Variants in GRM4 observed in about 807,000 individuals in gnomAD.
GRM4 encodes metabotropic glutamate receptor 4.
A neutral mutation model predicts 81.7 loss-of-function variants in GRM4; 28 were observed. That is an observed-to-expected ratio of 0.34 (90% CI 0.25 to 0.47). The LOEUF (loss-of-function observed/expected upper bound fraction) is 0.47. GRM4 is among the 20% of genes least tolerant of loss of function. The pLI, the probability that GRM4 is intolerant of heterozygous loss-of-function variation, is 1.00. For synonymous variants in GRM4, 488 were observed against 528.8 expected, an observed-to-expected ratio of 0.92 and a Z score of 1.06; for missense variants, 948 against 1,290.0, an observed-to-expected ratio of 0.73 and a Z score of 4.06.
rs1308348285 is a variant in GRM4, at chr6:34,035,007, C to T, written c.2442+661G>A. ...CAACTCCAGCCAAGGGAAGGAAAGG[C>T]CCTCTGCCAGCCCCTAGCCTTTAGG... On this transcript the variant is annotated intron_variant, in intron 9 of 10. Coordinates refer to ENST00000538487, the MANE Select transcript of GRM4 (RefSeq NM_000841.4). The surrounding 1 kb of genome is among the most constrained non-coding windows in gnomAD (Gnocchi z 6.6). 6.6e-6 allele frequency among the ~76,000 whole-genome samples: 1 copy of T among 152,200 alleles called. No individual in the cohort carries two copies. Among genetic ancestry groups the T allele is most frequent in the Non-Finnish European group, 1.5e-5 (1 of 68,026 alleles).
upstream of GRM4, among the ~76,000 whole-genome samples, chr6:34,146,869 A>C (rs988549982): frequency 2.0e-5 from 3 of 151,810 alleles, no homozygotes; most frequent in Non-Finnish European, 2.9e-5. Context: ...ACAGGGACAG[A>C]CCCCCATCCC....
chr6:34,043,303 C>G (rs1403397031), intron 6 of GRM4, among the ~76,000 whole-genome samples: 1 of 152,154 alleles, frequency 6.6e-6, no homozygotes, highest in Non-Finnish European at 1.5e-5. Flanking sequence ...CCTCTGATCA[C>G]AAGGTCACGA....
At chr6:34,139,312 A>G (rs1770586200) in intron 1 of GRM4, among the ~76,000 whole-genome samples, 1 of 152,280 alleles carries the variant, frequency 6.6e-6, no homozygotes, top group Admixed American at 6.5e-5. Flanking sequence ...GGAATGCCCC[A>G]GAGGAGAGCA....
At chr6:34,123,917 G>A (rs1176055536) in intron 2 of GRM4, among the ~76,000 whole-genome samples, 1 of 152,172 alleles carries the variant, frequency 6.6e-6, no homozygotes, top group East Asian at 1.9e-4. Flanking sequence ...GGGGGCTGGG[G>A]GGAGTAACGG....
In GRM4 at chr6:34,115,515, A is replaced by G. The variant is rs981718469; in HGVS notation, c.519+17463T>C. The stretch of plus-strand genomic sequence containing the variant: ...GCTGCCCCTTCCCCTGCTCCCAGCC[A>G]CAAGGTCCTGGTTCAGGACCTTGGA... On this transcript the variant is annotated intron_variant, in intron 2 of 10. Transcript: ENST00000538487. The surrounding 1 kb of genome is among the most constrained non-coding windows in gnomAD (Gnocchi z 4.1). Among the ~76,000 whole-genome samples the G allele has an allele frequency of 2.0e-5, 3 of 152,088 alleles. No homozygotes were observed. The highest frequency in any genetic ancestry group is 4.4e-5 in the Non-Finnish European group (3 of 68,002).
In GRM4 at chr6:34,035,765, T is replaced by C. The variant is rs779540722; in HGVS notation, c.2345A>G (p.Asn782Ser). ...IKTRGVPETF[N>S]EAKPIGFTMY... Reference sequence around the variant, plus strand: ...GGTGAAGCCAATGGGCTTGGCCTCATTGAAGGTCTCGGGCACGCCGCGTGT... The same window carrying C: ...GGTGAAGCCAATGGGCTTGGCCTCACTGAAGGTCTCGGGCACGCCGCGTGT... The change falls in exon 9 of 11, where the codon AAT becomes AGT. Residue 782 changes from asparagine (N) to serine (S), a missense_variant. Coordinates refer to ENST00000538487, the MANE Select transcript of GRM4 (RefSeq NM_000841.4). This position sits in a 1 kb window ranked among gnomAD's most constrained non-coding sequence, Gnocchi z 6.6. 28 of 1,612,870 alleles carry C rather than the reference T, an allele frequency of 1.7e-5. No individual in the cohort carries two copies. The highest frequency in any genetic ancestry group is 8.9e-5 in the East Asian group (4 of 44,826).
At chr6:34,137,952 T>C (rs892004740) in intron 1 of GRM4, among the ~76,000 whole-genome samples, 4 of 151,930 alleles carry the variant, frequency 2.6e-5, no homozygotes, top group African/African-American at 9.7e-5. Context: ...ACTTCAATCC[T>C]TCCCTCTGCA....
At chr6:34,097,116 T>C (rs1369849726) in intron 2 of GRM4, among the ~76,000 whole-genome samples, 2 of 152,130 alleles carry the variant, frequency 1.3e-5, no homozygotes, top group African/African-American at 4.8e-5. Context: ...CGGGCTCCAA[T>C]CTAGATGGAG....
intron 2 of GRM4, among the ~76,000 whole-genome samples, chr6:34,116,140 G>A (rs1408507063): frequency 3.9e-5 from 6 of 152,190 alleles, no homozygotes; most frequent in African/African-American, 1.4e-4. Context: ...GAGGCCGAGT[G>A]AAATCAAAGT....
Position 34,045,809 on chromosome 6 carries a change from T to G in GRM4, c.1169-5061A>C, listed in dbSNP as rs973815774. ...AAGCAAGACATGCATTTCTGAGAGC[T>G]GTTGTAGGAGACAAATTCCAGACAC... is the stretch of plus-strand genomic sequence containing the variant. On this transcript the variant is annotated intron_variant, in intron 6 of 10. Coordinates refer to ENST00000538487, the MANE Select transcript of GRM4 (RefSeq NM_000841.4). Among the ~76,000 whole-genome samples, 75 of 152,020 alleles carry G rather than the reference T, an allele frequency of 4.9e-4. 2 individuals are homozygous for G. The highest frequency in any genetic ancestry group is 2.0e-3 in the Admixed American group (31 of 15,282).
chr6:34,071,650 AT>A (rs1344919738), intron 3 of GRM4, among the ~76,000 whole-genome samples: 1 of 137,674 alleles, frequency 7.3e-6, no homozygotes, highest in Non-Finnish European at 1.5e-5. Context: ...ACACACACCC[AT>A]TCATCAGCAC....
intron 2 of GRM4, among the ~76,000 whole-genome samples, chr6:34,093,981 A>G (rs946478853): frequency 6.6e-6 from 1 of 152,248 alleles, no homozygotes; most frequent in Non-Finnish European, 1.5e-5. Flanking sequence ...TGTAACAGTA[A>G]AAGTTTGGAA....
At chr6:34,067,446 TTCCCTCCCTCCCTCCGTCCTTCCC>T (rs1766534707) in intron 3 of GRM4, among the ~76,000 whole-genome samples, 4 of 100,278 alleles carry the variant, frequency 4.0e-5, no homozygotes, top group Non-Finnish European at 7.4e-5. Flanking sequence ...CCGTCCTTCC[TTCCCTCCCTCCCTCCGTCCTTCCC>T]TCCCTCCCTC....
intron 10 of GRM4, among the ~76,000 whole-genome samples, chr6:34,026,486 C>A (rs966576867): frequency 6.6e-6 from 1 of 152,082 alleles, no homozygotes; most frequent in Non-Finnish European, 1.5e-5. Context: ...ACAGACCCCT[C>A]GGTCCCTCCC....
chr6:34,042,806 A>C lies in GRM4; in HGVS notation c.1169-2058T>G, dbSNP rs1207717420. Among the ~76,000 whole-genome samples the C allele has an allele frequency of 8.5e-5, 13 of 152,150 alleles. No individual in the cohort carries two copies. Among genetic ancestry groups the C allele is most frequent in the Admixed American group, 4.6e-4 (7 of 15,292 alleles). On this transcript the variant is annotated intron_variant, in intron 6 of 10. Coordinates refer to ENST00000538487, the MANE Select transcript of GRM4 (RefSeq NM_000841.4). This position sits in a 1 kb window ranked among gnomAD's most constrained non-coding sequence, Gnocchi z 4.2. ...GCAGACCCAGGGTGCAGGGGATCTC[A>C]CTGCCTCTCCCTGAGGCAGTACCCT...
rs112553862 is a variant in GRM4, at chr6:34,028,409, C to T, written c.2443-43G>A. The T allele has an allele frequency of 2.2e-3, 3,503 of 1,579,014 alleles. 66 individuals are homozygous for T. The African/African-American group carries it at 0.041, about 18-fold the overall frequency. ...GGCGTCAGAGCAGGCTCTGCCCCGA[C>T]TGAGGGCCCTGACTCCCGCCAGTTC... On this transcript the variant is annotated intron_variant, in intron 9 of 10. Coordinates refer to ENST00000538487, the MANE Select transcript of GRM4 (RefSeq NM_000841.4).
At chr6:34,028,848 C>T (rs748136114) in intron 9 of GRM4, among the ~76,000 whole-genome samples, 1 of 152,138 alleles carries the variant, frequency 6.6e-6, no homozygotes, top group Non-Finnish European at 1.5e-5. Context: ...CCAGTGGCCA[C>T]GTCACAGCCC....
At chr6:34,061,848 A>G in intron 4 of GRM4, 45 bp downstream of exon 4, 1 of 1,588,768 alleles carries the variant, frequency 6.3e-7, no homozygotes, top group Non-Finnish European at 8.6e-7. Context: ...CTTTGCCCAC[A>G]CCTGCATGGC....
chr6:34,096,730 C>A (rs527895655), intron 2 of GRM4, among the ~76,000 whole-genome samples: 12 of 152,360 alleles, frequency 7.9e-5, no homozygotes, highest in African/African-American at 2.9e-4. Flanking sequence ...CAGCCACCAC[C>A]CAGGAGAGCC....
Sources: gnomAD v4.1 joint callset for allele counts (sites outside exome capture counted in the v4.1 genomes callset) on GRCh38, gnomAD v4.1.1 for gene constraint, Gnocchi (gnomAD v3.1) non-coding constraint, MANE v1.5 for transcripts, NCBI Gene and HGNC (gene_info 2026-07-23, HGNC 2026-07-21) for gene names.